SYNE2: variants seen among roughly 807,000 people sequenced by gnomAD.
SYNE2 encodes nesprin-2.
A neutral mutation model predicts 856.3 loss-of-function variants in SYNE2; 431 were observed. The observed-to-expected ratio is 0.50, with a 90% CI of 0.47 to 0.55. SYNE2 has a LOEUF of 0.55. SYNE2 is among the 20% of genes least tolerant of loss of function. The probability of loss-of-function intolerance (pLI) is 0.00; values close to 1 mark genes in which losing one functional copy is unlikely to be tolerated. For synonymous variants in SYNE2, 2,923 were observed against 2,872.3 expected, an observed-to-expected ratio of 1.02 and a Z score of -0.56; for missense variants, 8,129 against 8,023.2, an observed-to-expected ratio of 1.01 and a Z score of -0.50.
chr14:64,203,057 C>G (rs1202572759), intron 100 of SYNE2, 94 bp downstream of exon 100: 1 of 1,473,540 alleles, frequency 6.8e-7, no homozygotes, highest in African/African-American at 1.4e-5. Flanking sequence ...TTTTCACGTG[C>G]TCACATTCCA....
At chr14:63,887,030 C>T (rs143225748) in intron 1 of SYNE2, among the ~76,000 whole-genome samples, 2,067 of 152,204 alleles carry the variant, frequency 0.014, 41 homozygotes, top group African/African-American at 0.047. Flanking sequence ...TGCCTGTAAT[C>T]CCAGGACTTT....
At chr14:63,761,967 A>G (rs1388617927) in exon 1 of SYNE2, 6 of 341,170 alleles carry the variant, frequency 1.8e-5, no homozygotes, top group Admixed American at 6.2e-5. Context: ...GGCTGCGGGG[A>G]CCCAGTGACA....
rs775814909 is a variant in SYNE2 at position 64,170,396 on chromosome 14, A to G, written c.17169A>G (p.Leu5723=). 2.5e-6 allele frequency: 4 copies of G among 1,614,208 alleles called. No homozygotes were observed. The highest frequency in any genetic ancestry group is 2.2e-5 in the East Asian group (1 of 44,892). The change falls in exon 94 of 116, where the codon CTA becomes CTG. Residue 5723 remains leucine, a synonymous_variant. Transcript: ENST00000555002. The part of the protein sequence containing the change: ...FRFLTDTSHL[L]SAVKGQERFS... ...TCCTCACTGACACCAGCCACCTGCT[A>G]TCTGCAGTGAAGGGCCAGGAGCGCT... is the stretch of plus-strand genomic sequence containing the variant.
intron 11 of SYNE2, among the ~76,000 whole-genome samples, chr14:63,973,370 G>A (rs1566945049): frequency 2.0e-5 from 3 of 151,952 alleles, no homozygotes; most frequent in African/African-American, 7.3e-5. Flanking sequence ...AGTGGCTCAC[G>A]CCTGTAATCC....
At chr14:64,050,074 T>C (rs769167095) in intron 47 of SYNE2, among the ~76,000 whole-genome samples, 198 bp downstream of exon 47, 2 of 151,804 alleles carry the variant, frequency 1.3e-5, no homozygotes, top group Non-Finnish European at 3.0e-5. Context: ...AAGAGGCTGA[T>C]AAAAAACAAA....
At chr14:63,841,025 CA>C (rs370142060) in intron 1 of SYNE2, among the ~76,000 whole-genome samples, 8 of 151,896 alleles carry the variant, frequency 5.3e-5, no homozygotes, top group African/African-American at 1.7e-4. Context: ...AAAAACAAAA[CA>C]AAACAAAACA....
At position 63,995,132 on chromosome 14, in the gene SYNE2, A is replaced by T; in HGVS notation, c.2870A>T (p.Glu957Val). 6.2e-7 allele frequency: 1 copy of T among 1,604,104 alleles called. No homozygotes were observed. Among genetic ancestry groups the T allele is most frequent in the Non-Finnish European group, 8.5e-7 (1 of 1,175,034 alleles). ...CTTAGTGACAATATTTTAAAACTTG[A>T]AAAGCAAATAAATAAAGAAAAGAAA... ...GKLSDNILKL[E>V]KQINKEKKLI... The change falls in exon 23 of 116, where the codon GAA becomes GTA. Residue 957 changes from glutamate to valine, a missense_variant. Transcript: ENST00000555002.
intron 7 of SYNE2, among the ~76,000 whole-genome samples, chr14:63,952,649 T>C (rs979460548): frequency 3.0e-4 from 45 of 152,362 alleles, no homozygotes; most frequent in African/African-American, 8.4e-4. Context: ...TAGGTTGTTA[T>C]ATGCATAAGA....
At chr14:64,147,046 A>G (rs367723370) in intron 84 of SYNE2, among the ~76,000 whole-genome samples, 34 of 152,318 alleles carry the variant, frequency 2.2e-4, no homozygotes, top group African/African-American at 7.7e-4. Context: ...GCCTTCTGAC[A>G]GCCACCTTGG....
intron 33 of SYNE2, 121 bp from the exon 34 acceptor site, chr14:64,017,474 T>C (rs1436708603): frequency 2.5e-6 from 2 of 799,442 alleles, no homozygotes; most frequent in African/African-American, 3.5e-5. Context: ...TGTTGATGAA[T>C]AAAGCAGATT....
intron 10 of SYNE2, 33 bp from the exon 11 acceptor site, chr14:63,967,667 AATTAAACAT>A: frequency 6.3e-7 from 1 of 1,591,832 alleles, no homozygotes; most frequent in Non-Finnish European, 8.6e-7. Context: ...ATATAAATGG[AATTAAACAT>A]TTTCAATCTT....
chr14:64,024,393 A>G lies in SYNE2; in HGVS notation c.5774A>G (p.Glu1925Gly), dbSNP rs771545182. Residue 1925 changes from glutamate (E) to glycine (G), a missense_variant, in exon 39 of 116, where the codon GAA (glutamate) becomes GGA (glycine). Glu to Gly is a moderately conservative substitution (Grantham distance 98). Coordinates refer to ENST00000555002, the MANE Select transcript of SYNE2 (RefSeq NM_182914.3). Reference sequence around the variant, plus strand: ...CTCGTGGGTCAGGAATTCGAATTAGAAAAAATGGAGTCCATATGCCAGGCT... The same window carrying G: ...CTCGTGGGTCAGGAATTCGAATTAGGAAAAATGGAGTCCATATGCCAGGCT... ...SWLVGQEFEL[E>G]KMESICQARA... is the part of the protein sequence containing the mutation. The G allele has an allele frequency of 1.3e-5, 21 of 1,614,172 alleles. No homozygotes were observed. The highest frequency in any genetic ancestry group is 1.8e-5 in the Non-Finnish European group (21 of 1,180,004).
intron 1 of SYNE2, among the ~76,000 whole-genome samples, chr14:63,782,985 C>A (rs150198120): frequency 6.6e-6 from 1 of 151,944 alleles, no homozygotes; most frequent in African/African-American, 2.4e-5. Flanking sequence ...TTAACATTAG[C>A]GATATTGGGA....
Position 64,052,626 on chromosome 14 carries a change from C to G in SYNE2, c.8713C>G (p.Leu2905Val), listed in dbSNP as rs781772427. The change falls in exon 48 of 116, where the codon CTG (leucine) becomes GTG (valine). Residue 2905 changes from leucine to valine, a missense_variant. Physicochemically the swap from Leu to Val is conservative, Grantham distance 32. Coordinates refer to ENST00000555002, the MANE Select transcript of SYNE2 (RefSeq NM_182914.3). ...GGAGCTAACAAACATCTATGAGGAGCTGAATGTGTTTGAAAGATTATTTCT... is the reference window on the plus strand; with the variant it reads ...GGAGCTAACAAACATCTATGAGGAGGTGAATGTGTTTGAAAGATTATTTCT... ...LQELTNIYEE[L>V]NVFERLFLED... is the part of the protein sequence containing the mutation. 6.2e-7 allele frequency: 1 copy of G among 1,613,974 alleles called. No individual in the cohort carries two copies. The highest frequency in any genetic ancestry group is 1.1e-5 in the South Asian group (1 of 91,060).
At chr14:63,848,599 C>T (rs1890307705), upstream of SYNE2, among the ~76,000 whole-genome samples, 1 of 152,136 alleles carries the variant, frequency 6.6e-6, no homozygotes, top group African/African-American at 2.4e-5. Flanking sequence ...AAAACATGTC[C>T]AGGTTCTAAT....
intron 1 of SYNE2, among the ~76,000 whole-genome samples, chr14:63,773,294 G>C (rs993464993): frequency 1.3e-5 from 2 of 151,870 alleles, no homozygotes; most frequent in Non-Finnish European, 2.9e-5. Context: ...CAACCACCCG[G>C]GCTCAAACAA....
At chr14:64,028,876 G>A (rs1274511694) in intron 43 of SYNE2, among the ~76,000 whole-genome samples, 1 of 152,118 alleles carries the variant, frequency 6.6e-6, no homozygotes, top group Non-Finnish European at 1.5e-5. Context: ...GTGGCTCAAC[G>A]CCTGTAATCC....
rs767934367 is a variant in SYNE2 at position 64,080,574 on chromosome 14, T to A, written c.11282T>A (p.Ile3761Asn). 9.3e-6 allele frequency: 15 copies of A among 1,614,092 alleles called. No homozygotes were observed. The highest frequency in any genetic ancestry group is 5.0e-5 in the Admixed American group (3 of 60,008). Residue 3761 changes from isoleucine to asparagine, a missense_variant, in exon 56 of 116, where the codon ATT becomes AAT. Ile to Asn is a moderately radical substitution (Grantham distance 149). This residue lies in a region of SYNE2 where 5,410 missense variants were observed against 5,284.8 expected (regional missense o/e 1.02). Coordinates refer to ENST00000555002, the MANE Select transcript of SYNE2 (RefSeq NM_182914.3). ...CAAGAATGGATGGATAACTTGATGA[T>A]TCCTTTCCAGCAGTATCAGCAAGTA... ...QAQEWMDNLMIPFQQYQQVSQ... is the reference protein window; with the variant it reads ...QAQEWMDNLMNPFQQYQQVSQ...
At position 63,944,824 on chromosome 14, in the gene SYNE2, C is replaced by CTTTTTTTTTTTTTTTTTTTTTTTTTTTT. The variant is rs55906748; in HGVS notation, c.408+2706_408+2707insTTTTTTTTTTTTTTTTTTTTTTTTTTTT. 2.6e-4 allele frequency among the ~76,000 whole-genome samples: 12 copies of CTTTTTTTTTTTTTTTTTTTTTTTTTTTT among 46,948 alleles called. 3 individuals are homozygous for CTTTTTTTTTTTTTTTTTTTTTTTTTTTT. Among genetic ancestry groups the CTTTTTTTTTTTTTTTTTTTTTTTTTTTT allele is most frequent in the Non-Finnish European group, 3.6e-4 (10 of 27,654 alleles). 30.8% of individuals were successfully genotyped at this position (46,948 alleles called of 152,430 possible). ...GTGAGCCACCGTGCTGGGCTTAAAG[C>CTTTTTTTTTTTTTTTTTTTTTTTTTTTT]TTTTTTTTTTTTTTTTTTTTTTTTT... On this transcript the variant is annotated intron_variant, in intron 6 of 115. Transcript: ENST00000555002.
Sources: gnomAD v4.1 joint callset for allele counts (sites outside exome capture counted in the v4.1 genomes callset) on GRCh38, gnomAD v4.1.1 for gene constraint, gnomAD v4.1.1 regional missense constraint, MANE v1.5 for transcripts, NCBI Gene and HGNC (gene_info 2026-07-23, HGNC 2026-07-21) for gene names.